Variants in TPD52L1 observed in about 807,000 individuals in gnomAD.
The protein encoded by TPD52L1 is tumor protein D53.
TPD52L1 carries 18 observed loss-of-function variants against 28.7 expected under a neutral mutation model. The ratio of observed to expected loss-of-function variants is 0.63; its 90% CI spans 0.43 to 0.93. The LOEUF (loss-of-function observed/expected upper bound fraction) is 0.93, where lower values mean the gene tolerates loss of function less well. Among genes scored for constraint, TPD52L1 ranks in the 40% least tolerant of loss-of-function variants. The probability of loss-of-function intolerance (pLI) is 0.00; values close to 1 mark genes in which losing one functional copy is unlikely to be tolerated. For missense variants in TPD52L1, 203 were observed against 254.8 expected, an observed-to-expected ratio of 0.80 and a Z score of 1.39; for synonymous variants, 75 against 88.8, an observed-to-expected ratio of 0.84 and a Z score of 0.88.
chr6:125,238,259 CTAA>C (rs753312325), intron 3 of TPD52L1, among the ~76,000 whole-genome samples: 22 of 152,278 alleles, frequency 1.4e-4, no homozygotes, highest in Admixed American at 2.6e-4. Flanking sequence ...CTAAAATCTT[CTAA>C]TGATGATTGG....
chr6:125,181,807 C>A (rs1375099877), intron 1 of TPD52L1, among the ~76,000 whole-genome samples: 2 of 152,266 alleles, frequency 1.3e-5, no homozygotes, highest in South Asian at 2.1e-4. Flanking sequence ...TGTCTTCTCC[C>A]AGATCATCAA....
At chr6:125,176,469 T>G (rs539264132) in intron 1 of TPD52L1, among the ~76,000 whole-genome samples, 1 of 152,308 alleles carries the variant, frequency 6.6e-6, no homozygotes, top group African/African-American at 2.4e-5. Flanking sequence ...TTTTTAGCTT[T>G]GTTGAGAATT....
intron 1 of TPD52L1, among the ~76,000 whole-genome samples, chr6:125,156,221 C>T (rs1165481391): frequency 1.3e-5 from 2 of 151,942 alleles, no homozygotes; most frequent in Non-Finnish European, 1.5e-5. Flanking sequence ...CCCAGCACTT[C>T]GGGAGGCCAA....
chr6:125,211,450 A>G (rs145807195), intron 1 of TPD52L1, among the ~76,000 whole-genome samples: 110 of 152,312 alleles, frequency 7.2e-4, no homozygotes, highest in African/African-American at 2.6e-3. Flanking sequence ...AGAAAAAAAA[A>G]GTCTGTGCTG....
intron 1 of TPD52L1, among the ~76,000 whole-genome samples, chr6:125,215,047 T>C (rs1192158392): frequency 6.6e-6 from 1 of 152,162 alleles, no homozygotes; most frequent in Non-Finnish European, 1.5e-5. Flanking sequence ...GTTCATGAAA[T>C]TGGTTCATAA....
intron 1 of TPD52L1, among the ~76,000 whole-genome samples, chr6:125,175,152 G>A (rs1791741518): frequency 6.6e-6 from 1 of 152,052 alleles, no homozygotes; most frequent in African/African-American, 2.4e-5. Context: ...CTTGAGGGCA[G>A]GGGCTTTGAT....
intron 1 of TPD52L1, among the ~76,000 whole-genome samples, chr6:125,214,691 G>A (rs1038088495): frequency 2.0e-5 from 3 of 152,078 alleles, no homozygotes; most frequent in Non-Finnish European, 2.9e-5. Context: ...CCTGCCACTG[G>A]CAGATGGATG....
At chr6:125,195,087 G>A (rs905301611) in intron 1 of TPD52L1, among the ~76,000 whole-genome samples, 1 of 152,194 alleles carries the variant, frequency 6.6e-6, no homozygotes, top group Admixed American at 6.5e-5. Flanking sequence ...GGTTGTATAG[G>A]CTGTGTTTCT....
intron 1 of TPD52L1, among the ~76,000 whole-genome samples, chr6:125,166,754 A>C (rs558892857): frequency 4.7e-4 from 71 of 150,454 alleles, no homozygotes; most frequent in Non-Finnish European, 1.0e-3. Context: ...GGCAATATTG[A>C]GAGAGCAAAT....
At chr6:125,217,574 T>C (rs1388231858) in intron 1 of TPD52L1, among the ~76,000 whole-genome samples, 1 of 152,010 alleles carries the variant, frequency 6.6e-6, no homozygotes, top group Non-Finnish European at 1.5e-5. Flanking sequence ...GGAGTGGCCA[T>C]AAATAGAGAT....
intron 2 of TPD52L1, among the ~76,000 whole-genome samples, chr6:125,222,545 C>G (rs189361931): frequency 6.6e-6 from 1 of 152,314 alleles, no homozygotes; most frequent in East Asian, 1.9e-4. Flanking sequence ...AGGTGTCCAG[C>G]CTCCTCTTTG....
chr6:125,172,149 TTTCTTTCTTTTCTTTCTTTCTTTCTTTC>T (rs1791409840), intron 1 of TPD52L1, among the ~76,000 whole-genome samples: 5 of 69,268 alleles, frequency 7.2e-5, no homozygotes, highest in East Asian at 6.6e-4. Context: ...TCTTTCTTTC[TTTCTTTCTTTTCTTTCTTTCTTTCTTTC>T]TTTCTTTCTT....
In TPD52L1 at chr6:125,260,976, GAAAAGAAAA is replaced by G. The variant is rs1797948502; in HGVS notation, c.487-1857_487-1849del. The G allele has an allele frequency of 2.8e-4, 23 of 83,580 alleles. 1 individual carries two copies. The highest frequency in any genetic ancestry group is 8.6e-4 in the African/African-American group (20 of 23,224). 5.2% of individuals were successfully genotyped at this position (83,580 alleles called of 1,614,324 possible). On this transcript the variant is annotated intron_variant, in intron 6 of 6. Transcript: ENST00000534000. ...AGAAAGAAAGAAAGAAAGAAAGAAA[GAAAAGAAAA>G]GAAAGAAAGAAAGAAAGAAAGAAAG...
Position 125,263,023 on chromosome 6 carries a change from G to A in TPD52L1, c.*61G>A. 6.5e-7 allele frequency: 1 copy of A among 1,526,802 alleles called. No homozygotes were observed. The highest frequency in any genetic ancestry group is 8.8e-7 in the Non-Finnish European group (1 of 1,138,448). 94.6% of individuals were successfully genotyped at this position (1,526,802 alleles called of 1,614,324 possible). A position where few individuals can be genotyped will look rare whatever the true frequency, so the allele number is the denominator to read the frequency against. On this transcript the variant is annotated 3_prime_UTR_variant, in exon 7 of 7. Coordinates refer to ENST00000534000, the MANE Select transcript of TPD52L1 (RefSeq NM_003287.4). Reference sequence around the variant, plus strand: ...CACTACCCAGCCCATCTCTGCCTGTGCTTATCCAGATAAGAAGACCAAAAT... The same window carrying A: ...CACTACCCAGCCCATCTCTGCCTGTACTTATCCAGATAAGAAGACCAAAAT...
intron 1 of TPD52L1, among the ~76,000 whole-genome samples, chr6:125,166,869 C>T (rs72973365): frequency 0.054 from 8,270 of 151,974 alleles, 311 homozygotes; most frequent in African/African-American, 0.11. Flanking sequence ...GAGTTGCTCC[C>T]AGTGGGAGGA....
At chr6:125,259,691 T>C (rs959677044) in intron 6 of TPD52L1, among the ~76,000 whole-genome samples, 2 of 152,208 alleles carry the variant, frequency 1.3e-5, no homozygotes, top group African/African-American at 4.8e-5. Flanking sequence ...ATACATTATA[T>C]GGCCTGGACC....
chr6:125,200,857 A>C (rs905762829), intron 1 of TPD52L1, among the ~76,000 whole-genome samples: 9 of 152,214 alleles, frequency 5.9e-5, no homozygotes, highest in African/African-American at 1.9e-4. Flanking sequence ...ATTTAAGTGC[A>C]TATTGTGAGG....
intron 1 of TPD52L1, among the ~76,000 whole-genome samples, chr6:125,177,751 G>T (rs945088776): frequency 2.6e-5 from 4 of 152,060 alleles, no homozygotes; most frequent in African/African-American, 9.7e-5. Flanking sequence ...AGTGAAGCTT[G>T]CAAGTGTTAT....
Position 125,264,202 on chromosome 6 carries a change from A to G in TPD52L1, c.*1240A>G, listed in dbSNP as rs1275125607. The G allele has an allele frequency of 6.6e-6, 1 of 152,186 alleles. No individual in the cohort carries two copies. The highest frequency in any genetic ancestry group is 1.5e-5 in the Non-Finnish European group (1 of 68,034). The allele number at this position is 152,186 out of a possible 1,614,324, so 9.4% of individuals were successfully genotyped here. A position where few individuals can be genotyped will look rare whatever the true frequency, so the allele number is the denominator to read the frequency against. On this transcript the variant is annotated 3_prime_UTR_variant, in exon 7 of 7. Coordinates refer to ENST00000534000, the MANE Select transcript of TPD52L1 (RefSeq NM_003287.4). Reference sequence around the variant, plus strand: ...TTCTAAATGGGAACATATATTTGTTATTAGGTGGCAGAGATATAGCCTTAA... The same window carrying G: ...TTCTAAATGGGAACATATATTTGTTGTTAGGTGGCAGAGATATAGCCTTAA...
Sources: allele counts gnomAD v4.1 joint callset (sites outside exome capture counted in the v4.1 genomes callset), GRCh38; gene constraint gnomAD v4.1.1; transcripts MANE v1.5; gene names NCBI Gene and HGNC (gene_info 2026-07-23, HGNC 2026-07-21).